Variants in DCDC1 observed in about 807,000 individuals in gnomAD.
The protein encoded by DCDC1 is doublecortin domain containing 1.
DCDC1 carries 200 observed loss-of-function variants against 178.3 expected under a neutral mutation model. The ratio of observed to expected loss-of-function variants is 1.12; its 90% CI spans 1.00 to 1.26. DCDC1 has a LOEUF of 1.26. Ranked by LOEUF, DCDC1 falls within the 50% of genes most tolerant of loss-of-function variation. The pLI is 0.00. For synonymous variants in DCDC1, 690 were observed against 604.8 expected (o/e 1.14, Z -2.07); for missense variants, 1,983 against 1,749.2 (o/e 1.13, Z -2.38).
intron 20 of DCDC1, among the ~76,000 whole-genome samples, chr11:30,968,898 CATAA>C (rs138798004): frequency 0.014 from 2,097 of 151,296 alleles, 51 homozygotes; most frequent in African/African-American, 0.048. Flanking sequence ...AGTGAGATAA[CATAA>C]ATAAACACAA....
Position 31,018,557 on chromosome 11 carries a change from C to T in DCDC1, c.2591+45912G>A, listed in dbSNP as rs1359104128. The stretch of plus-strand genomic sequence containing the variant: ...TGTATTTCAGGTGAGAAAACCAAGG[C>T]TCACGGAAGGGTACTAACTACAGTA... On this transcript the variant is annotated intron_variant, in intron 20 of 38. Transcript: ENST00000684477. Among the ~76,000 whole-genome samples, 4 of 152,130 alleles carry T rather than the reference C, an allele frequency of 2.6e-5. No homozygotes were observed. In the East Asian group the frequency reaches 7.7e-4, roughly 29 times the overall value.
At position 30,892,933 on chromosome 11, in the gene DCDC1, A is replaced by C; in HGVS notation, c.4967T>G (p.Ile1656Arg). 6.2e-7 allele frequency: 1 copy of C among 1,613,930 alleles called. No individual in the cohort carries two copies. The highest frequency in any genetic ancestry group is 1.1e-5 in the South Asian group (1 of 91,078). ...ATACAGGTTGCTCGGCTTGACTGCT[A>C]TACGTTTGGTTGCAATTGGAAAATT... ...KINFPIATKR[I>R]AVKPSNLYKQ... Residue 1656 changes from isoleucine (I) to arginine (R), a missense_variant, in exon 36 of 39, where the codon ATA becomes AGA. Coordinates refer to ENST00000684477, the MANE Select transcript of DCDC1 (RefSeq NM_001387274.1).
intron 9 of DCDC1, among the ~76,000 whole-genome samples, chr11:31,239,013 A>G (rs1241589605): frequency 6.6e-6 from 1 of 152,144 alleles, no homozygotes; most frequent in Non-Finnish European, 1.5e-5. Flanking sequence ...TTTATTTAAA[A>G]TAAATTTCCT....
chr11:30,974,301 C>G (rs896874652), intron 20 of DCDC1, among the ~76,000 whole-genome samples: 6 of 140,976 alleles, frequency 4.3e-5, no homozygotes, highest in Non-Finnish European at 9.3e-5. Context: ...AGATTTCAAA[C>G]AATCTAACAA....
At chr11:31,118,065 T>A (rs554584760) in intron 11 of DCDC1, among the ~76,000 whole-genome samples, 1 of 152,260 alleles carries the variant, frequency 6.6e-6, no homozygotes, top group South Asian at 2.1e-4. Flanking sequence ...GTCAGTGTTT[T>A]TTTGATGAGA....
rs977596061 is a variant in DCDC1, at chr11:31,305,873, C to T, written c.592-96G>A. Reference sequence around the variant, plus strand: ...AGGTTCTAATGATCAAAATAGAAACCCAATTGAGTCACTTGCCAATACAGT... The same window carrying T: ...AGGTTCTAATGATCAAAATAGAAACTCAATTGAGTCACTTGCCAATACAGT... On this transcript the variant is annotated intron_variant, in intron 5 of 38. Transcript: ENST00000684477. 22 of 1,367,496 alleles carry T rather than the reference C, an allele frequency of 1.6e-5. No individual in the cohort carries two copies. In the African/African-American group the frequency reaches 2.5e-4, roughly 16 times the overall value. The allele number at this position is 1,367,496 out of a possible 1,614,324, so 84.7% of individuals were successfully genotyped here.
At chr11:30,940,710 TGAC>T (rs1947585324) in intron 21 of DCDC1, among the ~76,000 whole-genome samples, 1 of 152,204 alleles carries the variant, frequency 6.6e-6, no homozygotes, top group Middle Eastern at 3.2e-3. Context: ...TTGACTTTGA[TGAC>T]TCTGGTTTAT....
intron 36 of DCDC1, among the ~76,000 whole-genome samples, chr11:30,887,639 G>A (rs1007119690): frequency 2.0e-5 from 3 of 152,182 alleles, no homozygotes; most frequent in East Asian, 3.9e-4. Context: ...AATTCTGCAC[G>A]TACTAGTCCA....
At chr11:31,034,059 G>A (rs557860067) in intron 20 of DCDC1, among the ~76,000 whole-genome samples, 128 of 149,928 alleles carry the variant, frequency 8.5e-4, no homozygotes, top group African/African-American at 3.1e-3. Context: ...TAGGAGAATT[G>A]CTTGAACCCA....
intron 6 of DCDC1, among the ~76,000 whole-genome samples, chr11:31,298,578 A>G (rs1271430273): frequency 1.3e-5 from 2 of 152,224 alleles, no homozygotes; most frequent in African/African-American, 4.8e-5. Context: ...TGTTCCAACC[A>G]TAGATTATAT....
intron 6 of DCDC1, among the ~76,000 whole-genome samples, chr11:31,295,986 C>T (rs552025778): frequency 3.9e-5 from 6 of 152,266 alleles, no homozygotes; most frequent in African/African-American, 1.4e-4. Flanking sequence ...ACATTCTATA[C>T]ACCAATCACA....
chr11:31,239,466 C>A (rs1290180558), intron 9 of DCDC1, among the ~76,000 whole-genome samples: 6 of 151,814 alleles, frequency 4.0e-5, no homozygotes, highest in Non-Finnish European at 7.4e-5. Flanking sequence ...AAGAAGAAAA[C>A]CTCAAGCATA....
chr11:31,141,448 G>C (rs1963819817), intron 9 of DCDC1, among the ~76,000 whole-genome samples: 1 of 152,094 alleles, frequency 6.6e-6, no homozygotes, highest in Non-Finnish European at 1.5e-5. Context: ...AATAGCTAAT[G>C]ATTCAAATGT....
chr11:31,136,387 C>T (rs1217944434), intron 10 of DCDC1, among the ~76,000 whole-genome samples: 1 of 151,962 alleles, frequency 6.6e-6, no homozygotes, highest in Non-Finnish European at 1.5e-5. Flanking sequence ...ACTGAGATGG[C>T]TAATCAATTT....
At chr11:31,164,927 C>A (rs1320212228) in intron 9 of DCDC1, among the ~76,000 whole-genome samples, 1 of 152,092 alleles carries the variant, frequency 6.6e-6, no homozygotes, top group Non-Finnish European at 1.5e-5. Flanking sequence ...TACAGCTGTG[C>A]CATTTTAAAC....
intron 7 of DCDC1, among the ~76,000 whole-genome samples, chr11:31,268,159 G>C (rs1053059315): frequency 5.3e-5 from 8 of 152,120 alleles, no homozygotes; most frequent in South Asian, 2.1e-4. Context: ...GTATTTAAAA[G>C]TATAATGATG....
intron 1 of DCDC1, among the ~76,000 whole-genome samples, chr11:31,336,196 T>G (rs933387438): frequency 6.6e-6 from 1 of 152,078 alleles, no homozygotes; most frequent in East Asian, 1.9e-4. Flanking sequence ...GTGGAGGGAA[T>G]TGCAAGTTTA....
At chr11:30,885,586 C>A (rs1408498940) in intron 36 of DCDC1, among the ~76,000 whole-genome samples, 1 of 152,042 alleles carries the variant, frequency 6.6e-6, no homozygotes, top group Non-Finnish European at 1.5e-5. Flanking sequence ...ATCAAATTCA[C>A]CTCAACAAGT....
intron 20 of DCDC1, among the ~76,000 whole-genome samples, chr11:30,994,580 G>T (rs992521859): frequency 6.8e-6 from 1 of 146,756 alleles, no homozygotes; most frequent in Non-Finnish European, 1.5e-5. Context: ...GGGTAAAAAC[G>T]TCTAGGTGGG....
Sources: gnomAD v4.1 joint callset for allele counts (sites outside exome capture counted in the v4.1 genomes callset) on GRCh38, gnomAD v4.1.1 for gene constraint, MANE v1.5 for transcripts, NCBI Gene and HGNC (gene_info 2026-07-23, HGNC 2026-07-21) for gene names.